IHO1: variants seen among roughly 807,000 people sequenced by gnomAD.
IHO1 encodes the protein interactor of HORMAD1 1.
In IHO1, 13 loss-of-function variants were observed where a neutral mutation model predicts 31.0. The observed-to-expected ratio is 0.42, with a 90% CI of 0.27 to 0.67. The LOEUF (loss-of-function observed/expected upper bound fraction) is 0.67, where lower values mean the gene tolerates loss of function less well. Among genes scored for constraint, IHO1 ranks in the 30% least tolerant of loss-of-function variants. The pLI is 0.24. For synonymous variants in IHO1, 221 were observed against 248.4 expected, an observed-to-expected ratio of 0.89 and a Z score of 1.04; for missense variants, 599 against 687.5, an observed-to-expected ratio of 0.87 and a Z score of 1.44.
chr3:49,192,596 G>A, the IHO1 span, among the ~76,000 whole-genome samples: 2 of 152,116 alleles, frequency 1.3e-5, no homozygotes, highest in Non-Finnish European at 2.9e-5. Context: ...CGAACTCACA[G>A]GTATTAAAAG....
Position 49,256,157 on chromosome 3 carries a change from G to T in IHO1, c.660G>T (p.Met220Ile), listed in dbSNP as rs1225610402. 1 of 1,611,640 alleles carries T rather than the reference G, an allele frequency of 6.2e-7. No homozygotes were observed. The highest frequency in any genetic ancestry group is 1.7e-5 in the Admixed American group (1 of 59,512). The part of the protein sequence containing the change: ...FEARQGEFIE[M>I]KSNLKHLEVL... ...AGAGACAAGGAGAGTTTATAGAAAT[G>T]AAGTCCAACCTGAAGCACCTTGAAG... The change falls in exon 8 of 8, where the codon ATG (methionine) becomes ATT (isoleucine). Residue 220 changes from methionine (M) to isoleucine (I), a missense_variant. By Grantham distance (10) the Met-to-Ile change is conservative (BLOSUM62 1). Transcript: ENST00000452691. This position sits in a 1 kb window ranked among gnomAD's most constrained non-coding sequence, Gnocchi z 4.6.
chr3:49,244,088 G>A (rs551275305), intron 4 of IHO1, among the ~76,000 whole-genome samples: 43 of 151,924 alleles, frequency 2.8e-4, no homozygotes, highest in African/African-American at 9.7e-4. Flanking sequence ...CCCAGTAGCT[G>A]GAATTACAGG....
Position 49,211,788 on chromosome 3 carries a change from T to G in IHO1, c.8T>G (p.Phe3Cys). 1.3e-6 allele frequency: 2 copies of G among 1,537,382 alleles called. No individual in the cohort carries two copies. The highest frequency in any genetic ancestry group is 1.8e-6 in the Non-Finnish European group (2 of 1,110,684). Residue 3 changes from phenylalanine to cysteine, a missense_variant, in exon 2 of 8, where the codon TTT (phenylalanine) becomes TGT (cysteine). Physicochemically the swap from Phe to Cys is radical, Grantham distance 205. Coordinates refer to ENST00000452691, the MANE Select transcript of IHO1 (RefSeq NM_001135197.2). ...TAGGTATAACTATAAGAAATGAATTTTAATGTCTGGAATATCAAAGAGATG... is the reference window on the plus strand; with the variant it reads ...TAGGTATAACTATAAGAAATGAATTGTAATGTCTGGAATATCAAAGAGATG... The part of the protein sequence containing the change: MN[F>C]NVWNIKEMLS...
the IHO1 span, among the ~76,000 whole-genome samples, chr3:49,192,456 A>G: frequency 6.6e-6 from 1 of 152,332 alleles, no homozygotes; most frequent in South Asian, 2.1e-4. Context: ...TTAACAACCA[A>G]AAGAAATTGA....
In IHO1 at chr3:49,256,104, C is replaced by A; in HGVS notation, c.637-30C>A. 1.3e-6 allele frequency: 2 copies of A among 1,561,384 alleles called. No homozygotes were observed. The highest frequency in any genetic ancestry group is 8.7e-7 in the Non-Finnish European group (1 of 1,148,812). On this transcript the variant is annotated intron_variant, in intron 7 of 7. Transcript: ENST00000452691. This position sits in a 1 kb window ranked among gnomAD's most constrained non-coding sequence, Gnocchi z 4.6. ...GTGCTTTCTGACTTGCACTGTCCATCACTGTCTTTCTCACTGCCTCTCTCC... is the reference window on the plus strand; with the variant it reads ...GTGCTTTCTGACTTGCACTGTCCATAACTGTCTTTCTCACTGCCTCTCTCC...
chr3:49,202,306 G>C (rs1421695738), intron 1 of IHO1, among the ~76,000 whole-genome samples: 1 of 151,238 alleles, frequency 6.6e-6, no homozygotes, highest in African/African-American at 2.4e-5. Context: ...TGATTGTCAA[G>C]AGGTTACTTC....
chr3:49,203,536 A>C (rs1279277532), intron 1 of IHO1, among the ~76,000 whole-genome samples: 2 of 152,168 alleles, frequency 1.3e-5, no homozygotes, highest in Admixed American at 6.6e-5. Flanking sequence ...CAAGGGTGAA[A>C]TCAGGGAGAG....
At chr3:49,219,696 G>A (rs1258348471) in intron 2 of IHO1, among the ~76,000 whole-genome samples, 1 of 152,168 alleles carries the variant, frequency 6.6e-6, no homozygotes, top group African/African-American at 2.4e-5. Flanking sequence ...AGGGTCACCA[G>A]AGCAATGGTT....
intron 1 of IHO1, among the ~76,000 whole-genome samples, chr3:49,205,345 T>C (rs1479890719): frequency 6.6e-6 from 1 of 151,984 alleles, no homozygotes; most frequent in African/African-American, 2.4e-5. Context: ...TTTTTTTTTT[T>C]TGAGACACTG....
At position 49,255,343 on chromosome 3, in the gene IHO1, A is replaced by G. The variant is rs777720665; in HGVS notation, c.533-47A>G. 20 of 1,343,874 alleles carry G rather than the reference A, an allele frequency of 1.5e-5. No individual in the cohort carries two copies. In the East Asian group the frequency reaches 3.5e-4, roughly 23 times the overall value. The allele number at this position is 1,343,874 out of a possible 1,614,324, so 83.2% of individuals were successfully genotyped here. On this transcript the variant is annotated intron_variant, in intron 6 of 7. Coordinates refer to ENST00000452691, the MANE Select transcript of IHO1 (RefSeq NM_001135197.2). ...TCTGTGGTTTGGGCAGATGGGACAT[A>G]CCATACATAGTCTTCAGGAGGTGAA...
In IHO1 at chr3:49,202,851, A is replaced by ATTTTTTTTTT. The variant is rs71077774; in HGVS notation, c.-16+3291_-16+3300dup. 2.1e-3 allele frequency among the ~76,000 whole-genome samples: 192 copies of ATTTTTTTTTT among 90,068 alleles called. 1 individual carries two copies. Among genetic ancestry groups the ATTTTTTTTTT allele is most frequent in the Non-Finnish European group, 2.7e-3 (128 of 46,984 alleles). 59.1% of individuals were successfully genotyped at this position (90,068 alleles called of 152,430 possible). ...CTACCACGTCCAGCTAATTTTTTGTATTTTTTTTTTTTTTTTTTTTTTGAG... is the reference window on the plus strand; with the variant it reads ...CTACCACGTCCAGCTAATTTTTTGTATTTTTTTTTTTTTTTTTTTTTTTTTTTTTTTTGAG... On this transcript the variant is annotated intron_variant, in intron 1 of 7. Transcript: ENST00000452691.
At position 49,211,814 on chromosome 3, in the gene IHO1, C is replaced by T. The variant is rs2046220162; in HGVS notation, c.34C>T (p.Leu12Phe). Residue 12 changes from leucine (L) to phenylalanine (F), a missense_variant, in exon 2 of 8, where the codon CTC becomes TTC. By Grantham distance (22) the Leu-to-Phe change is conservative. Coordinates refer to ENST00000452691, the MANE Select transcript of IHO1 (RefSeq NM_001135197.2). ...NFNVWNIKEMLSIPSGSGNKK... is the reference protein window; with the variant it reads ...NFNVWNIKEMFSIPSGSGNKK... ...TAATGTCTGGAATATCAAAGAGATG[C>T]TCAGTATTCCTTCAGGCTCTGGGTA... 1 of 1,564,532 alleles carries T rather than the reference C, an allele frequency of 6.4e-7. No homozygotes were observed. Among genetic ancestry groups the T allele is most frequent in the Non-Finnish European group, 8.8e-7 (1 of 1,135,288 alleles).
intron 6 of IHO1, among the ~76,000 whole-genome samples, chr3:49,247,804 AAACT>A (rs1301145661): frequency 6.7e-6 from 1 of 149,358 alleles, no homozygotes; most frequent in East Asian, 2.0e-4. Context: ...ACTAAAACTA[AAACT>A]AAATAAATAA....
At chr3:49,241,411 A>G in intron 4 of IHO1, 22 bp downstream of exon 4, 1 of 1,572,826 alleles carries the variant, frequency 6.4e-7, no homozygotes, top group Non-Finnish European at 8.6e-7. Context: ...TTTCAAATGG[A>G]TGAAAGAACT....
chr3:49,221,052 C>G (rs959303018), intron 2 of IHO1, among the ~76,000 whole-genome samples: 1 of 152,138 alleles, frequency 6.6e-6, no homozygotes, highest in Non-Finnish European at 1.5e-5. Flanking sequence ...GCTGATTGGC[C>G]CATTTTACAG....
chr3:49,244,219 C>T (rs1307704944), intron 4 of IHO1, among the ~76,000 whole-genome samples, 185 bp from the exon 5 acceptor site: 1 of 152,108 alleles, frequency 6.6e-6, no homozygotes, highest in African/African-American at 2.4e-5. Context: ...TCCCAAGATG[C>T]TGGGACTCTC....
chr3:49,218,837 C>A (rs2046319008), intron 2 of IHO1, among the ~76,000 whole-genome samples: 2 of 152,036 alleles, frequency 1.3e-5, no homozygotes, highest in South Asian at 2.1e-4. Context: ...TAAAGCACAT[C>A]CGTGTACCTT....
At chr3:49,220,239 C>A (rs1440825176) in intron 2 of IHO1, among the ~76,000 whole-genome samples, 1 of 152,242 alleles carries the variant, frequency 6.6e-6, no homozygotes. Flanking sequence ...CCATGAGGGT[C>A]CCGTCCCGGG....
intron 1 of IHO1, among the ~76,000 whole-genome samples, chr3:49,203,838 T>C (rs1331182814): frequency 6.6e-6 from 1 of 152,010 alleles, no homozygotes; most frequent in Non-Finnish European, 1.5e-5. Flanking sequence ...GAAAAGGGAA[T>C]TGAGGAGGAC....
Sources: gnomAD v4.1 joint callset for allele counts (sites outside exome capture counted in the v4.1 genomes callset) on GRCh38, gnomAD v4.1.1 for gene constraint, Gnocchi (gnomAD v3.1) non-coding constraint, MANE v1.5 for transcripts, NCBI Gene and HGNC (gene_info 2026-07-23, HGNC 2026-07-21) for gene names.